The following CD6 variants were observed in gnomAD, a reference collection of about 807,000 sequenced individuals.
CD6 encodes CD6 molecule.
In CD6, 53 loss-of-function variants were observed where a neutral mutation model predicts 75.3. The observed-to-expected ratio is 0.70, with a 90% CI of 0.56 to 0.88. CD6 has a LOEUF of 0.88. CD6 is among the 40% of genes least tolerant of loss of function. The pLI is 0.00. For synonymous variants in CD6, 359 were observed against 381.5 expected (o/e 0.94, Z 0.69); for missense variants, 770 against 897.1 (o/e 0.86, Z 1.81).
Position 61,008,384 on chromosome 11 carries a change from C to T in CD6, c.470-150C>T, listed in dbSNP as rs112093706. The stretch of plus-strand genomic sequence containing the variant: ...CGGCTCTACCTAACCCATCTGCAGT[C>T]CTGGGGGGATTCCCAGTCTTGCCTA... On this transcript the variant is annotated intron_variant, in intron 3 of 12. Coordinates refer to ENST00000313421, the MANE Select transcript of CD6 (RefSeq NM_006725.5). The T allele has an allele frequency of 5.9e-4, 443 of 753,936 alleles. 2 individuals are homozygous for T. Among genetic ancestry groups the T allele is most frequent in the Non-Finnish European group, 5.0e-4 (238 of 476,876 alleles). 46.7% of individuals were successfully genotyped at this position (753,936 alleles called of 1,614,324 possible). A position where few individuals can be genotyped will look rare whatever the true frequency, so the allele number is the denominator to read the frequency against.
chr11:60,976,447 T>C (rs1431268295), intron 1 of CD6, among the ~76,000 whole-genome samples: 2 of 152,180 alleles, frequency 1.3e-5, no homozygotes, highest in African/African-American at 2.4e-5. Context: ...ATCACAAATA[T>C]AGGACTTTAT....
At chr11:61,011,178 CGTGTGTGTGTGT>C (rs10528068) in intron 6 of CD6, 43 bp downstream of exon 6, 1 of 897,176 alleles carries the variant, frequency 1.1e-6, no homozygotes, top group Non-Finnish European at 1.8e-6. Flanking sequence ...GAAGCTTGGA[CGTGTGTGTGTGT>C]GTGTGTGTGT....
At chr11:60,990,289 A>G (rs1220053746) in intron 1 of CD6, among the ~76,000 whole-genome samples, 2 of 152,268 alleles carry the variant, frequency 1.3e-5, no homozygotes, top group African/African-American at 4.8e-5. Context: ...CAGTGGTGCA[A>G]TCTCGGCTCA....
intron 1 of CD6, chr11:60,982,627 T>C (rs1857617231): frequency 2.2e-6 from 1 of 456,088 alleles, no homozygotes. Context: ...AACTAAAGGA[T>C]GCACAGTTGC....
At chr11:61,011,337 C>A in intron 6 of CD6, among the ~76,000 whole-genome samples, 1 of 152,136 alleles carries the variant, frequency 6.6e-6, no homozygotes, top group African/African-American at 2.4e-5. Flanking sequence ...GCCAAGTCAG[C>A]CCATAGATCA....
At chr11:60,996,909 G>T (rs143709162) in intron 1 of CD6, among the ~76,000 whole-genome samples, 1 of 152,200 alleles carries the variant, frequency 6.6e-6, no homozygotes, top group Non-Finnish European at 1.5e-5. Context: ...TCCAGTTCAT[G>T]GATGACAGTC....
intron 1 of CD6, among the ~76,000 whole-genome samples, chr11:60,994,457 CAAAAA>C (rs61349237): frequency 1.9e-5 from 1 of 52,964 alleles, no homozygotes; most frequent in Non-Finnish European, 3.1e-5. Flanking sequence ...ACACCCCCGC[CAAAAA>C]AAAAAAAAAG....
chr11:61,017,699 G>T, intron 10 of CD6, 60 bp from the exon 11 acceptor site: 1 of 1,608,566 alleles, frequency 6.2e-7, no homozygotes, highest in South Asian at 1.1e-5. Flanking sequence ...TCTGAAGTCT[G>T]ACTTAAAGCC....
intron 6 of CD6, 42 bp from the exon 7 acceptor site, chr11:61,013,381 G>A (rs753170498): frequency 1.9e-6 from 3 of 1,608,300 alleles, no homozygotes; most frequent in Non-Finnish European, 2.6e-6. Flanking sequence ...AAGGGTGAGT[G>A]CCCATTCCTC....
intron 1 of CD6, 85 bp downstream of exon 1, chr11:60,971,999 G>C (rs1440815824): frequency 6.4e-6 from 9 of 1,400,038 alleles, no homozygotes; most frequent in Non-Finnish European, 9.0e-6. Context: ...TTGTTTCCTT[G>C]TGGTCACTTT....
At chr11:60,987,742 G>T (rs1304410547) in intron 1 of CD6, among the ~76,000 whole-genome samples, 1 of 98,974 alleles carries the variant, frequency 1.0e-5, no homozygotes, top group African/African-American at 2.8e-5. Context: ...TTACCCCTGA[G>T]AACTCCTACT....
chr11:61,005,526 G>C (rs1242510526), intron 1 of CD6, among the ~76,000 whole-genome samples: 2 of 152,218 alleles, frequency 1.3e-5, no homozygotes, highest in Admixed American at 1.3e-4. Context: ...AGTAGCTCTG[G>C]TGGAATAAAT....
intron 8 of CD6, 86 bp downstream of exon 8, chr11:61,014,100 A>C (rs1859291212): frequency 1.1e-6 from 1 of 940,660 alleles, no homozygotes; most frequent in Non-Finnish European, 1.6e-6. Flanking sequence ...ACTTAGGTCC[A>C]AGACGTACAC....
At chr11:60,982,342 A>G (rs945382392) in intron 1 of CD6, among the ~76,000 whole-genome samples, 5 of 152,208 alleles carry the variant, frequency 3.3e-5, no homozygotes, top group Admixed American at 2.6e-4. Flanking sequence ...TTCATTTTAC[A>G]GAAGGACAGA....
chr11:60,991,139 CTT>C (rs1858045285), intron 1 of CD6, among the ~76,000 whole-genome samples: 1 of 123,054 alleles, frequency 8.1e-6, no homozygotes, highest in African/African-American at 3.1e-5. Context: ...CTTTTCTTTT[CTT>C]TTTCTTTCTT....
intron 8 of CD6, among the ~76,000 whole-genome samples, chr11:61,015,100 G>A (rs1467271850): frequency 6.6e-6 from 1 of 152,150 alleles, no homozygotes; most frequent in South Asian, 2.1e-4. Flanking sequence ...GGATAATAAT[G>A]TACCCACTTC....
At chr11:61,017,399 G>A (rs746643812) in intron 9 of CD6, 80 bp from the exon 10 acceptor site, 163 of 1,165,104 alleles carry the variant, frequency 1.4e-4, no homozygotes, top group Middle Eastern at 5.6e-4. Context: ...CCCAGGCCCC[G>A]GGAAATCCAG....
At chr11:60,978,720 C>T (rs966424032) in intron 1 of CD6, among the ~76,000 whole-genome samples, 4 of 152,164 alleles carry the variant, frequency 2.6e-5, no homozygotes, top group Non-Finnish European at 5.9e-5. Context: ...CAACCCCAGC[C>T]GGCATCCTGT....
intron 1 of CD6, among the ~76,000 whole-genome samples, chr11:61,005,525 G>T (rs1240623633): frequency 6.6e-6 from 1 of 152,182 alleles, no homozygotes; most frequent in South Asian, 2.1e-4. Flanking sequence ...TAGTAGCTCT[G>T]GTGGAATAAA....
Sources: allele counts gnomAD v4.1 joint callset (sites outside exome capture counted in the v4.1 genomes callset), GRCh38; gene constraint gnomAD v4.1.1; transcripts MANE v1.5; gene names NCBI Gene and HGNC (gene_info 2026-07-23, HGNC 2026-07-21).